Variants in ZFYVE26 observed in about 807,000 individuals in gnomAD.
The protein encoded by ZFYVE26 is zinc finger FYVE domain-containing protein 26.
In ZFYVE26, 181 loss-of-function variants were observed where a neutral mutation model predicts 276.5. That is an observed-to-expected ratio of 0.65 (90% CI 0.58 to 0.74). The LOEUF (loss-of-function observed/expected upper bound fraction) is 0.74. ZFYVE26 is among the 30% of genes least tolerant of loss of function. The pLI is 0.00. For missense variants in ZFYVE26, 2,821 were observed against 3,097.9 expected, an observed-to-expected ratio of 0.91 and a Z score of 2.12; for synonymous variants, 1,129 against 1,203.1, an observed-to-expected ratio of 0.94 and a Z score of 1.27.
Position 67,752,475 on chromosome 14 carries a change from C to T in ZFYVE26, c.7240G>A (p.Val2414Met), listed in dbSNP as rs1370977767. Residue 2414 changes from valine to methionine, a missense_variant, in exon 40 of 42, where the codon GTG (valine) becomes ATG (methionine). Transcript: ENST00000347230. ...MTYCRAARQL[V>M]EKEKYSEIQQ... is the part of the protein sequence containing the mutation. ...ATCTCACTGTACTTCTCTTTCTCCA[C>T]CAACTGGCGGGCAGCTCTGCAGTAG... The T allele has an allele frequency of 6.2e-7, 1 of 1,614,214 alleles. No homozygotes were observed. Among genetic ancestry groups the T allele is most frequent in the South Asian group, 1.1e-5 (1 of 91,088 alleles).
chr14:67,771,929 A>T lies in ZFYVE26; in HGVS notation c.5484+118T>A, dbSNP rs187304614. On this transcript the variant is annotated intron_variant, in intron 28 of 41. Coordinates refer to ENST00000347230, the MANE Select transcript of ZFYVE26 (RefSeq NM_015346.4). ...ATGAACCCAAAGTCTTAGATTTGGC[A>T]GTTCTGAAAATACCGATATTCTCCT... is the stretch of plus-strand genomic sequence containing the variant. The T allele has an allele frequency of 5.7e-5, 77 of 1,357,082 alleles. No homozygotes were observed. The African/African-American group carries it at 1.0e-3, about 18-fold the overall frequency. The allele number at this position is 1,357,082 out of a possible 1,614,324, so 84.1% of individuals were successfully genotyped here.
chr14:67,737,676 A>C (rs1020797570), intron 13 of ZFYVE26, among the ~76,000 whole-genome samples: 4 of 152,194 alleles, frequency 2.6e-5, no homozygotes, highest in African/African-American at 7.2e-5. Context: ...TATATGACCT[A>C]TCTTATATTT....
At chr14:67,780,091 C>G in intron 23 of ZFYVE26, 150 bp downstream of exon 23, 1 of 757,498 alleles carries the variant, frequency 1.3e-6, no homozygotes, top group Non-Finnish European at 2.3e-6. Flanking sequence ...GATCTCCTGA[C>G]CTTGTGAGCC....
chr14:67,781,357 C>A lies in ZFYVE26; in HGVS notation c.4545G>T (p.Leu1515=), dbSNP rs2039494295. The change falls in exon 22 of 42, where the codon CTG becomes CTT. Residue 1515 remains leucine, a synonymous_variant. Transcript: ENST00000347230. The part of the protein sequence containing the change: ...EGLKCELQRK[L]AELQVYQKIL... ...CCTTCTGATACACCTGCAGCTCCGC[C>A]AGCTTCCTCTGTAGCTCACACTTTA... The A allele has an allele frequency of 6.2e-7, 1 of 1,614,088 alleles. No individual in the cohort carries two copies. The highest frequency in any genetic ancestry group is 8.5e-7 in the Non-Finnish European group (1 of 1,180,036).
intron 3 of ZFYVE26, among the ~76,000 whole-genome samples, chr14:67,809,674 G>A (rs760142690): frequency 1.5e-4 from 23 of 151,620 alleles, no homozygotes; most frequent in Non-Finnish European, 3.2e-4. Flanking sequence ...CACTCACCTC[G>A]GCCTCCCAAA....
chr14:67,747,760 T>A lies in ZFYVE26; in HGVS notation c.*676A>T, dbSNP rs1238590776. Reference sequence around the variant, plus strand: ...TCATTTATACACATACCCACAGCTTTCAGATGCCTGCACCTGAAAACCCTT... The same window carrying A: ...TCATTTATACACATACCCACAGCTTACAGATGCCTGCACCTGAAAACCCTT... On this transcript the variant is annotated 3_prime_UTR_variant, in exon 42 of 42. Transcript: ENST00000347230. 2.0e-5 allele frequency: 3 copies of A among 153,040 alleles called. No individual in the cohort carries two copies. The highest frequency in any genetic ancestry group is 4.4e-5 in the Non-Finnish European group (3 of 68,650). The allele number at this position is 153,040 out of a possible 1,614,324, so 9.5% of individuals were successfully genotyped here.
chr14:67,808,791 G>T (rs547294319), intron 4 of ZFYVE26, among the ~76,000 whole-genome samples: 1 of 151,982 alleles, frequency 6.6e-6, no homozygotes, highest in African/African-American at 2.4e-5. Context: ...GCATATCTCA[G>T]GCACTAAAGT....
At chr14:67,804,667 A>G (rs1199623087) in intron 8 of ZFYVE26, among the ~76,000 whole-genome samples, 3 of 152,218 alleles carry the variant, frequency 2.0e-5, no homozygotes, top group Admixed American at 6.5e-5. Flanking sequence ...GTGAGTGAAG[A>G]ACAAGATAGA....
Position 67,782,829 on chromosome 14 carries a change from G to A in ZFYVE26, c.4323C>T (p.Asp1441=), listed in dbSNP as rs751803624. 53 of 1,614,042 alleles carry A rather than the reference G, an allele frequency of 3.3e-5. No individual in the cohort carries two copies. Among genetic ancestry groups the A allele is most frequent in the African/African-American group, 6.7e-5 (5 of 74,904 alleles). The part of the protein sequence containing the change: ...QLTEVYGRDV[D]DLSSIKDAVL... Reference sequence around the variant, plus strand: ...CTGCATCCTTTATGCTGCTCAAATCGTCCACATCTCGCCCGTACACTTCAG... The same window carrying A: ...CTGCATCCTTTATGCTGCTCAAATCATCCACATCTCGCCCGTACACTTCAG... Residue 1441 remains aspartate (D), a synonymous_variant, in exon 21 of 42, where the codon GAC becomes GAT. Transcript: ENST00000347230.
chr14:67,757,980 G>A (rs1260743423), intron 35 of ZFYVE26, among the ~76,000 whole-genome samples: 2 of 152,164 alleles, frequency 1.3e-5, no homozygotes, highest in East Asian at 3.8e-4. Context: ...CTCCCAGAGT[G>A]CTGGGATTAC....
intron 35 of ZFYVE26, chr14:67,760,951 C>A: frequency 2.2e-6 from 1 of 461,892 alleles, no homozygotes; most frequent in East Asian, 4.0e-5. Flanking sequence ...GTAGTAACAA[C>A]TCTGAATGGA....
rs202103136 is a variant in ZFYVE26 at position 67,785,206 on chromosome 14, G to T, written c.3376C>A (p.Pro1126Thr). Reference protein sequence around the residue: ...AQKAPEAEAHPVQIQTQLLQK... With the variant: ...AQKAPEAEAHTVQIQTQLLQK... ...AGGAGCTGAGTCTGGATCTGCACAGGGTGGGCCTCTGCCTCTGGAGCTTTC... is the reference window on the plus strand; with the variant it reads ...AGGAGCTGAGTCTGGATCTGCACAGTGTGGGCCTCTGCCTCTGGAGCTTTC... Residue 1126 changes from proline to threonine, a missense_variant, in exon 19 of 42, where the codon CCT becomes ACT. Physicochemically the swap from Pro to Thr is conservative, Grantham distance 38 (BLOSUM62 -1). Coordinates refer to ENST00000347230, the MANE Select transcript of ZFYVE26 (RefSeq NM_015346.4). The T allele has an allele frequency of 6.8e-6, 11 of 1,614,052 alleles. No individual in the cohort carries two copies. The highest frequency in any genetic ancestry group is 9.3e-6 in the Non-Finnish European group (11 of 1,179,956).
intron 35 of ZFYVE26, among the ~76,000 whole-genome samples, chr14:67,758,475 G>T (rs1013698550): frequency 1.3e-5 from 2 of 152,046 alleles, no homozygotes; most frequent in African/African-American, 4.8e-5. Flanking sequence ...AGGCCTTCTT[G>T]GTCCAGATGG....
At chr14:67,768,794 AGAGT>A (rs1189676445) in intron 29 of ZFYVE26, among the ~76,000 whole-genome samples, 2 of 152,216 alleles carry the variant, frequency 1.3e-5, no homozygotes, top group Non-Finnish European at 2.9e-5. Context: ...CGGAAACTGT[AGAGT>A]AAGTATGGTG....
At position 67,783,333 on chromosome 14, in the gene ZFYVE26, C is replaced by T. The variant is rs752013494; in HGVS notation, c.3819G>A (p.Pro1273=). The T allele has an allele frequency of 3.7e-5, 59 of 1,612,750 alleles. No individual in the cohort carries two copies. The highest frequency in any genetic ancestry group is 1.3e-4 in the Admixed American group (8 of 59,948). Residue 1273 remains proline (P), a synonymous_variant, in exon 21 of 42, where the codon CCG becomes CCA. Transcript: ENST00000347230. ...HCLDDLPLST[P]SSPRTTENPT... is the part of the protein sequence containing the mutation. ...GGTTCTCAGTTGTCCTCGGGGAGCT[C>T]GGTGTAGAAAGTGGGAGGTCATCCA...
At chr14:67,782,632 C>A in intron 21 of ZFYVE26, 148 bp downstream of exon 21, 1 of 1,358,002 alleles carries the variant, frequency 7.4e-7, no homozygotes, top group Non-Finnish European at 1.0e-6. Flanking sequence ...AGTTTCCTAA[C>A]CCCTCTGAGA....
chr14:67,730,713 C>T (rs1594868406), intron 13 of ZFYVE26, among the ~76,000 whole-genome samples: 2 of 152,238 alleles, frequency 1.3e-5, no homozygotes, highest in South Asian at 4.1e-4. Flanking sequence ...AAGCGATTCT[C>T]CTGACTCAGC....
downstream of ZFYVE26, among the ~76,000 whole-genome samples, chr14:67,742,834 TCTTC>T (rs2038431021): frequency 4.0e-5 from 1 of 25,264 alleles, no homozygotes; most frequent in African/African-American, 8.5e-5. Flanking sequence ...TCTTTCTTCT[TCTTC>T]TTTTTTTTTT....
intron 15 of ZFYVE26, 53 bp downstream of exon 15, chr14:67,790,519 T>C: frequency 2.5e-6 from 4 of 1,593,058 alleles, no homozygotes; most frequent in East Asian, 2.2e-5. Context: ...TCTCCCCTTT[T>C]ACCCCCTCTC....
Sources: gnomAD v4.1 joint callset for allele counts (sites outside exome capture counted in the v4.1 genomes callset) on GRCh38, gnomAD v4.1.1 for gene constraint, MANE v1.5 for transcripts, NCBI Gene and HGNC (gene_info 2026-07-23, HGNC 2026-07-21) for gene names.